The following SYNJ2BP variants were observed in gnomAD, a reference collection of about 807,000 sequenced individuals.
SYNJ2BP encodes the protein synaptojanin 2 binding protein, also known as synaptojanin-2-binding protein.
SYNJ2BP carries 10 observed loss-of-function variants against 16.9 expected under a neutral mutation model. That is an observed-to-expected ratio of 0.59 (90% confidence interval 0.36 to 1.00). The LOEUF (loss-of-function observed/expected upper bound fraction) is 1.00, where lower values mean the gene tolerates loss of function less well. Ranked by LOEUF, SYNJ2BP falls within the 50% of genes least tolerant of loss-of-function variation. SYNJ2BP has a pLI of 0.01. For synonymous variants in SYNJ2BP, 54 were observed against 68.4 expected, an observed-to-expected ratio of 0.79 and a Z score of 1.04; for missense variants, 162 against 186.7, an observed-to-expected ratio of 0.87 and a Z score of 0.77.
At chr14:70,382,411 T>G (rs1011231500) in intron 2 of SYNJ2BP, among the ~76,000 whole-genome samples, 3 of 152,166 alleles carry the variant, frequency 2.0e-5, no homozygotes, top group Non-Finnish European at 2.9e-5. Context: ...CTGTTATAGG[T>G]TATAATTTAA....
intron 2 of SYNJ2BP, among the ~76,000 whole-genome samples, chr14:70,377,713 C>G (rs1463152157): frequency 1.4e-5 from 1 of 71,694 alleles, no homozygotes; most frequent in African/African-American, 6.9e-5. Context: ...TTCTTCTAAC[C>G]TCCTTACAAA....
intron 1 of SYNJ2BP, 89 bp downstream of exon 1, chr14:70,416,811 A>C: frequency 6.3e-7 from 1 of 1,597,196 alleles, no homozygotes; most frequent in Non-Finnish European, 8.6e-7. Flanking sequence ...GCCCGCCCCG[A>C]GGCCAGGTGA....
Position 70,414,035 on chromosome 14 carries a change from T to G in SYNJ2BP, c.64+2865A>C, listed in dbSNP as rs137940852. ...ATCAAAATTATGTGGAAGTTTCTAGTGGTGATTAGTTTCTAGTGGTATTTT... is the reference window on the plus strand; with the variant it reads ...ATCAAAATTATGTGGAAGTTTCTAGGGGTGATTAGTTTCTAGTGGTATTTT... On this transcript the variant is annotated intron_variant, in intron 1 of 3. Transcript: ENST00000256366. Among the ~76,000 whole-genome samples, 295 of 152,312 alleles carry G rather than the reference T, an allele frequency of 1.9e-3. 1 individual carries two copies. Among genetic ancestry groups the G allele is most frequent in the African/African-American group, 6.9e-3 (288 of 41,564 alleles).
chr14:70,380,007 A>C (rs530156477), intron 2 of SYNJ2BP, among the ~76,000 whole-genome samples: 1 of 152,354 alleles, frequency 6.6e-6, no homozygotes, highest in African/African-American at 2.4e-5. Context: ...TAATAATTGC[A>C]GAGAATTATT....
In SYNJ2BP at chr14:70,366,975, C is replaced by G. The variant is rs1171436271; in HGVS notation, c.*6016G>C. Reference sequence around the variant, plus strand: ...CTACAAACTAGGAGGAAGGACTAACCCTTTTCCTGGGATTAGTAACTAAAT... The same window carrying G: ...CTACAAACTAGGAGGAAGGACTAACGCTTTTCCTGGGATTAGTAACTAAAT... On this transcript the variant is annotated 3_prime_UTR_variant, in exon 4 of 4. Transcript: ENST00000256366. 6.6e-6 allele frequency: 1 copy of G among 152,142 alleles called. No homozygotes were observed. Among genetic ancestry groups the G allele is most frequent in the South Asian group, 2.1e-4 (1 of 4,826 alleles). 9.4% of individuals were successfully genotyped at this position (152,142 alleles called of 1,614,324 possible). A position where few individuals can be genotyped will look rare whatever the true frequency, so the allele number is the denominator to read the frequency against.
rs989056782 is a variant in SYNJ2BP, at chr14:70,369,697, T to C, written c.*3294A>G. 3.9e-5 allele frequency: 6 copies of C among 152,212 alleles called. No homozygotes were observed. The highest frequency in any genetic ancestry group is 1.4e-4 in the African/African-American group (6 of 41,456). 9.4% of individuals were successfully genotyped at this position (152,212 alleles called of 1,614,324 possible). A position where few individuals can be genotyped will look rare whatever the true frequency, so the allele number is the denominator to read the frequency against. ...AACAAATATTAACTTCCTTTTTCCA[T>C]TATACATGGCTAGATGGAACAATTA... On this transcript the variant is annotated 3_prime_UTR_variant, in exon 4 of 4. Coordinates refer to ENST00000256366, the MANE Select transcript of SYNJ2BP (RefSeq NM_018373.3).
chr14:70,380,334 A>G (rs978530437), intron 2 of SYNJ2BP, among the ~76,000 whole-genome samples: 1 of 152,166 alleles, frequency 6.6e-6, no homozygotes, highest in African/African-American at 2.4e-5. Flanking sequence ...TGGTTTTGCC[A>G]TTTAGTTTGT....
chr14:70,378,958 G>C (rs941611781), intron 2 of SYNJ2BP, among the ~76,000 whole-genome samples: 20 of 152,034 alleles, frequency 1.3e-4, no homozygotes, highest in Non-Finnish European at 2.1e-4. Flanking sequence ...CTATTCCCTT[G>C]CCTGCTCCTT....
Position 70,417,072 on chromosome 14 carries a change from G to A in SYNJ2BP, c.-109C>T. Reference sequence around the variant, plus strand: ...CAGCACAGCGGTTTCGGTTTCAGCAGCCTCGAGACCCGGAAAAGGAAGCCC... The same window carrying A: ...CAGCACAGCGGTTTCGGTTTCAGCAACCTCGAGACCCGGAAAAGGAAGCCC... On this transcript the variant is annotated 5_prime_UTR_variant, in exon 1 of 4. Coordinates refer to ENST00000256366, the MANE Select transcript of SYNJ2BP (RefSeq NM_018373.3). 1.9e-6 allele frequency: 3 copies of A among 1,546,234 alleles called. No homozygotes were observed. Among genetic ancestry groups the A allele is most frequent in the Non-Finnish European group, 2.6e-6 (3 of 1,132,544 alleles).
rs1325733265 is a variant in SYNJ2BP at position 70,368,268 on chromosome 14, CT to C, written c.*4722del. The C allele has an allele frequency of 6.6e-6, 1 of 152,154 alleles. No homozygotes were observed. Among genetic ancestry groups the C allele is most frequent in the African/African-American group, 2.4e-5 (1 of 41,440 alleles). 9.4% of individuals were successfully genotyped at this position (152,154 alleles called of 1,614,324 possible). On this transcript the variant is annotated 3_prime_UTR_variant, in exon 4 of 4. Transcript: ENST00000256366. The stretch of plus-strand genomic sequence containing the variant: ...GAATCTCCCAATTCCAATAATGATG[CT>C]TGCAATATCCTTTAGCTGTCTATCA...
chr14:70,401,423 T>C (rs1396790054), intron 1 of SYNJ2BP, among the ~76,000 whole-genome samples: 1 of 151,396 alleles, frequency 6.6e-6, no homozygotes, highest in Non-Finnish European at 1.5e-5. Flanking sequence ...TATTTTTTTT[T>C]AATAAAAGAA....
At chr14:70,385,111 C>T (rs1339969197) in intron 2 of SYNJ2BP, among the ~76,000 whole-genome samples, 1 of 152,078 alleles carries the variant, frequency 6.6e-6, no homozygotes, top group African/African-American at 2.4e-5. Context: ...ATCTTCTTTG[C>T]TATAAATTTA....
At chr14:70,405,070 T>C (rs940942568) in intron 1 of SYNJ2BP, among the ~76,000 whole-genome samples, 1 of 152,094 alleles carries the variant, frequency 6.6e-6, no homozygotes, top group Non-Finnish European at 1.5e-5. Context: ...GAGGCTGCAG[T>C]AAGCTGTAAT....
chr14:70,396,706 T>C (rs1332050775), intron 1 of SYNJ2BP, among the ~76,000 whole-genome samples: 1 of 149,094 alleles, frequency 6.7e-6, no homozygotes, highest in Non-Finnish European at 1.5e-5. Flanking sequence ...AAATTGTGGT[T>C]TTGATTTGCA....
chr14:70,414,201 T>C (rs1447984006), intron 1 of SYNJ2BP, among the ~76,000 whole-genome samples: 6 of 152,184 alleles, frequency 3.9e-5, no homozygotes, highest in Non-Finnish European at 8.8e-5. Context: ...CTTTGTTAAC[T>C]GAACCAACCA....
chr14:70,397,264 CTA>C (rs139489096), intron 1 of SYNJ2BP, among the ~76,000 whole-genome samples: 4 of 150,812 alleles, frequency 2.7e-5, no homozygotes, highest in Middle Eastern at 3.5e-3. Flanking sequence ...ATGATGTGTT[CTA>C]TATATATATA....
intron 2 of SYNJ2BP, among the ~76,000 whole-genome samples, chr14:70,377,397 T>G (rs959134010): frequency 1.3e-5 from 2 of 152,234 alleles, no homozygotes; most frequent in African/African-American, 4.8e-5. Context: ...AGACCCATAC[T>G]AGCTGACTCC....
At chr14:70,394,062 C>T (rs1039310310) in intron 1 of SYNJ2BP, among the ~76,000 whole-genome samples, 4 of 150,156 alleles carry the variant, frequency 2.7e-5, no homozygotes, top group African/African-American at 9.8e-5. Context: ...AGTCTGACCA[C>T]CCATGAGACA....
chr14:70,402,898 C>G (rs1286577446), intron 1 of SYNJ2BP, among the ~76,000 whole-genome samples: 5 of 152,118 alleles, frequency 3.3e-5, no homozygotes, highest in Non-Finnish European at 7.4e-5. Context: ...AAGGAAATCT[C>G]CATTTGTAAG....
Sources: allele counts gnomAD v4.1 joint callset (sites outside exome capture counted in the v4.1 genomes callset), GRCh38; gene constraint gnomAD v4.1.1; transcripts MANE v1.5; gene names NCBI Gene and HGNC (gene_info 2026-07-23, HGNC 2026-07-21).